The following UTP25 variants were observed in gnomAD, a reference collection of about 807,000 sequenced individuals.
The protein encoded by UTP25 is U3 small nucleolar RNA-associated protein 25 homolog.
A neutral mutation model predicts 78.9 loss-of-function variants in UTP25; 50 were observed. The observed-to-expected ratio is 0.63, with a 90% CI of 0.50 to 0.80. The LOEUF is 0.80. UTP25 is among the 30% of genes least tolerant of loss of function. The pLI is 0.00. For synonymous variants in UTP25, 329 were observed against 336.5 expected, an observed-to-expected ratio of 0.98 and a Z score of 0.24; for missense variants, 846 against 911.3, an observed-to-expected ratio of 0.93 and a Z score of 0.92.
chr1:209,849,673 C>T (rs975231817), intron 11 of UTP25, among the ~76,000 whole-genome samples: 2 of 152,154 alleles, frequency 1.3e-5, no homozygotes, highest in Non-Finnish European at 2.9e-5. Context: ...CAGTGCAGGC[C>T]TCTGGAACAA....
At position 209,851,961 on chromosome 1, in the gene UTP25, T is replaced by C. The variant is rs1266047168; in HGVS notation, c.*514T>C. 2.0e-5 allele frequency: 3 copies of C among 153,582 alleles called. No homozygotes were observed. The highest frequency in any genetic ancestry group is 4.4e-5 in the Non-Finnish European group (3 of 68,948). The allele number at this position is 153,582 out of a possible 1,614,324, so 9.5% of individuals were successfully genotyped here. ...CAAACTTTTTTGAAACCTTAAATAG[T>C]CTACCTTAATTCAGCCTAGAAGAGT... is the stretch of plus-strand genomic sequence containing the variant. On this transcript the variant is annotated 3_prime_UTR_variant, in exon 12 of 12. Coordinates refer to ENST00000491415, the MANE Select transcript of UTP25 (RefSeq NM_014388.7).
chr1:209,828,812 G>A (rs2078086201), intron 1 of UTP25, among the ~76,000 whole-genome samples: 1 of 148,680 alleles, frequency 6.7e-6, no homozygotes, highest in Non-Finnish European at 1.5e-5. Context: ...TCGCTTTGTC[G>A]CCCAGGCTGG....
At chr1:209,837,253 C>A in intron 6 of UTP25, 42 bp downstream of exon 6, 1 of 1,587,348 alleles carries the variant, frequency 6.3e-7, no homozygotes, top group South Asian at 1.1e-5. Flanking sequence ...GAGGTGGCTG[C>A]AAGGCACTGC....
Position 209,851,377 on chromosome 1 carries a change from G to A in UTP25, c.2201G>A (p.Gly734Asp). 4 of 1,614,208 alleles carry A rather than the reference G, an allele frequency of 2.5e-6. No homozygotes were observed. Among genetic ancestry groups the A allele is most frequent in the Non-Finnish European group, 3.4e-6 (4 of 1,180,040 alleles). The change falls in exon 12 of 12, where the codon GGT (glycine) becomes GAT (aspartate). Residue 734 changes from glycine to aspartate, a missense_variant. Physicochemically the swap from Gly to Asp is moderately conservative, Grantham distance 94. Coordinates refer to ENST00000491415, the MANE Select transcript of UTP25 (RefSeq NM_014388.7). ...YDAQRLAAVV[G>D]VERAAQMLQS... Reference sequence around the variant, plus strand: ...GCCCAGAGGTTAGCTGCCGTGGTTGGTGTGGAGCGGGCGGCACAGATGCTA... The same window carrying A: ...GCCCAGAGGTTAGCTGCCGTGGTTGATGTGGAGCGGGCGGCACAGATGCTA...
In UTP25 at chr1:209,830,861, T is replaced by C; in HGVS notation, c.206T>C (p.Val69Ala). The stretch of plus-strand genomic sequence containing the variant: ...GACTCAGAGAGTGAACCACAACAAG[T>C]TTCTGGCTACCACAGACTACTTGCT... ...ESDSESEPQQ[V>A]SGYHRLLATL... Residue 69 changes from valine to alanine, a missense_variant, in exon 3 of 12, where the codon GTT becomes GCT. Transcript: ENST00000491415. 1 of 1,614,038 alleles carries C rather than the reference T, an allele frequency of 6.2e-7. No homozygotes were observed. The highest frequency in any genetic ancestry group is 1.3e-5 in the African/African-American group (1 of 75,024).
chr1:209,840,872 A>C lies in UTP25; in HGVS notation c.1302A>C (p.Arg434Ser), dbSNP rs562694015. 864 of 1,612,504 alleles carry C rather than the reference A, an allele frequency of 5.4e-4. 11 individuals are homozygous for C. In the South Asian group the frequency reaches 9.0e-3, roughly 17 times the overall value. Residue 434 changes from arginine (R) to serine (S), a missense_variant, in exon 8 of 12, where the codon AGA (arginine) becomes AGC (serine). Transcript: ENST00000491415. ...HFRIGVAILQ[R>S]SIRLYAPFYS... ...GTGTAGGAGTGGCAATACTTCAGAG[A>C]AGCATCCGACTCTATGCCCCGTTTT... is the stretch of plus-strand genomic sequence containing the variant.
Position 209,854,754 on chromosome 1 carries a change from CATT to C in UTP25, c.*3308_*3310del, listed in dbSNP as rs1286138491. On this transcript the variant is annotated 3_prime_UTR_variant, in exon 12 of 12. Transcript: ENST00000491415. Reference sequence around the variant, plus strand: ...TTCTTTATAGTTGTCTGAAGAGCCTCATTGTCCAACTGCAGGGGCCTGAGGTGC... The same window carrying C: ...TTCTTTATAGTTGTCTGAAGAGCCTCGTCCAACTGCAGGGGCCTGAGGTGC... 6.6e-6 allele frequency: 1 copy of C among 152,314 alleles called. No homozygotes were observed. Among genetic ancestry groups the C allele is most frequent in the Admixed American group, 6.5e-5 (1 of 15,286 alleles). 9.4% of individuals were successfully genotyped at this position (152,314 alleles called of 1,614,324 possible). A position where few individuals can be genotyped will look rare whatever the true frequency, so the allele number is the denominator to read the frequency against.
At chr1:209,832,347 A>G (rs548412636) in intron 3 of UTP25, among the ~76,000 whole-genome samples, 31 of 152,266 alleles carry the variant, frequency 2.0e-4, no homozygotes, top group African/African-American at 7.2e-4. Context: ...GTAACTTCCT[A>G]CATCTGTGAC....
rs1396841627 is a variant in UTP25, at chr1:209,855,773, AAGGAGGC to A, written c.*4329_*4335del. On this transcript the variant is annotated 3_prime_UTR_variant, in exon 12 of 12. Coordinates refer to ENST00000491415, the MANE Select transcript of UTP25 (RefSeq NM_014388.7). Reference sequence around the variant, plus strand: ...TAGCCTTGGCTGACCCAGAGAAGGAAAGGAGGCAGTCTGCCGCTTGGCTGATTTAGGA... The same window carrying A: ...TAGCCTTGGCTGACCCAGAGAAGGAAAGTCTGCCGCTTGGCTGATTTAGGA... The A allele has an allele frequency of 1.3e-5, 2 of 152,352 alleles. No homozygotes were observed. Among genetic ancestry groups the A allele is most frequent in the Non-Finnish European group, 2.9e-5 (2 of 68,154 alleles). The allele number at this position is 152,352 out of a possible 1,614,324, so 9.4% of individuals were successfully genotyped here.
intron 1 of UTP25, among the ~76,000 whole-genome samples, chr1:209,829,181 C>T (rs936764968): frequency 3.3e-5 from 5 of 152,128 alleles, no homozygotes; most frequent in Non-Finnish European, 7.4e-5. Context: ...TGATCAAATC[C>T]GGGTAATTAG....
intron 5 of UTP25, 24 bp from the exon 6 acceptor site, chr1:209,836,777 G>C: frequency 6.4e-7 from 1 of 1,556,386 alleles, no homozygotes; most frequent in Non-Finnish European, 8.7e-7. Flanking sequence ...TTCTAATTTG[G>C]CTCTTGATCT....
At chr1:209,838,189 CATATT>C (rs1342442558) in intron 6 of UTP25, among the ~76,000 whole-genome samples, 2 of 152,192 alleles carry the variant, frequency 1.3e-5, no homozygotes, top group Admixed American at 6.5e-5. Context: ...ATCTATGAAA[CATATT>C]ATAATTTGGT....
Position 209,851,212 on chromosome 1 carries a change from TA to T in UTP25, c.2040del (p.Gly681AlafsTer5). 2 of 1,612,922 alleles carry T rather than the reference TA, an allele frequency of 1.2e-6. No homozygotes were observed. The highest frequency in any genetic ancestry group is 2.2e-5 in the South Asian group (2 of 90,754). ...CTTTCCAATTCTGACAGGTATACAA[TA>T]AAAGGCATCAGGAACCTGATTTTCT... ...ERFHFYKRYT[I>X]KGIRNLIFYE... On this transcript the variant is annotated frameshift_variant, in exon 12 of 12. Coordinates refer to ENST00000491415, the MANE Select transcript of UTP25 (RefSeq NM_014388.7). LOFTEE classifies it high-confidence loss of function.
rs768298384 is a variant in UTP25, at chr1:209,830,992, G to A, written c.337G>A (p.Asp113Asn). The part of the protein sequence containing the change: ...AEMNDEDGGS[D>N]VSVEEEMAAE... Reference sequence around the variant, plus strand: ...AATGAACGATGAAGATGGTGGTAGCGATGTCAGTGTGGAAGAAGAGATGGC... The same window carrying A: ...AATGAACGATGAAGATGGTGGTAGCAATGTCAGTGTGGAAGAAGAGATGGC... Residue 113 changes from aspartate (D) to asparagine (N), a missense_variant, in exon 3 of 12, where the codon GAT (aspartate) becomes AAT (asparagine). Asp to Asn is a conservative substitution (Grantham distance 23, BLOSUM62 1). Transcript: ENST00000491415. 26 of 1,614,004 alleles carry A rather than the reference G, an allele frequency of 1.6e-5. No homozygotes were observed. In the Admixed American group the frequency reaches 1.7e-4, roughly 10 times the overall value.
chr1:209,839,321 G>C (rs1212215808), intron 7 of UTP25, among the ~76,000 whole-genome samples, 193 bp downstream of exon 7: 3 of 152,208 alleles, frequency 2.0e-5, no homozygotes, highest in Non-Finnish European at 4.4e-5. Flanking sequence ...TAGGCCAGTG[G>C]AGTCGGGAGG....
At position 209,855,286 on chromosome 1, in the gene UTP25, T is replaced by C. The variant is rs1398085464; in HGVS notation, c.*3839T>C. 6.6e-6 allele frequency: 1 copy of C among 152,292 alleles called. No homozygotes were observed. Among genetic ancestry groups the C allele is most frequent in the Admixed American group, 6.5e-5 (1 of 15,290 alleles). 9.4% of individuals were successfully genotyped at this position (152,292 alleles called of 1,614,324 possible). On this transcript the variant is annotated 3_prime_UTR_variant, in exon 12 of 12. Coordinates refer to ENST00000491415, the MANE Select transcript of UTP25 (RefSeq NM_014388.7). Reference sequence around the variant, plus strand: ...TTCCTGTCTACTTTTGCTTTGTTCCTGTTTCCCTTCTGTGAGGACCTTCCC... The same window carrying C: ...TTCCTGTCTACTTTTGCTTTGTTCCCGTTTCCCTTCTGTGAGGACCTTCCC...
rs114160793 is a variant in UTP25 at position 209,838,974 on chromosome 1, C to T, written c.1128C>T (p.Leu376=). The T allele has an allele frequency of 5.7e-4, 926 of 1,613,988 alleles. 3 individuals are homozygous for T. The African/African-American group carries it at 7.7e-3, about 13-fold the overall frequency. ...LRVVQLFISL[L]EGDSKKKIIV... ...TGGTGCAGCTCTTCATCAGCCTCCT[C>T]GAGGGTGACAGCAAGAAGAAAATCA... is the stretch of plus-strand genomic sequence containing the variant. Residue 376 remains leucine, a synonymous_variant, in exon 7 of 12, where the codon CTC becomes CTT. Transcript: ENST00000491415.
intron 3 of UTP25, among the ~76,000 whole-genome samples, chr1:209,831,545 A>G (rs2078103432): frequency 6.6e-6 from 1 of 152,246 alleles, no homozygotes; most frequent in South Asian, 2.1e-4. Flanking sequence ...TCAGACTTGA[A>G]GGTGACTTTT....
At chr1:209,848,062 C>T (rs915703019) in intron 11 of UTP25, among the ~76,000 whole-genome samples, 3 of 152,070 alleles carry the variant, frequency 2.0e-5, no homozygotes, top group African/African-American at 4.8e-5. Context: ...CTTTGCCGTA[C>T]GTTAGAATAG....
Sources: allele counts gnomAD v4.1 joint callset (sites outside exome capture counted in the v4.1 genomes callset), GRCh38; gene constraint gnomAD v4.1.1; transcripts MANE v1.5; gene names NCBI Gene and HGNC (gene_info 2026-07-23, HGNC 2026-07-21).